The following FBXO42 variants were observed in gnomAD, a reference collection of about 807,000 sequenced individuals.
The protein encoded by FBXO42 is F-box only protein 42.
In FBXO42, 12 loss-of-function variants were observed where a neutral mutation model predicts 71.7. The observed-to-expected ratio is 0.17, with a 90% confidence interval of 0.11 to 0.27. The LOEUF (loss-of-function observed/expected upper bound fraction) is 0.27. Ranked by LOEUF, FBXO42 falls within the 10% of genes least tolerant of loss-of-function variation. The pLI is 1.00. For synonymous variants in FBXO42, 325 were observed against 327.5 expected, an observed-to-expected ratio of 0.99 and a Z score of 0.08; for missense variants, 707 against 911.9, an observed-to-expected ratio of 0.78 and a Z score of 2.89.
At chr1:16,254,813 C>T (rs1489269059) in intron 6 of FBXO42, among the ~76,000 whole-genome samples, 1 of 152,196 alleles carries the variant, frequency 6.6e-6, no homozygotes, top group South Asian at 2.1e-4. Flanking sequence ...CTTGAGCTGT[C>T]CAGTATGGCC....
intron 3 of FBXO42, among the ~76,000 whole-genome samples, chr1:16,300,036 G>A (rs930442148): frequency 1.3e-5 from 2 of 152,118 alleles, no homozygotes; most frequent in Admixed American, 1.3e-4. Context: ...AGAGGGGCAG[G>A]GGCAGGGAGG....
intron 4 of FBXO42, among the ~76,000 whole-genome samples, chr1:16,281,511 C>T (rs2081963774): frequency 2.0e-5 from 3 of 149,686 alleles, no homozygotes; most frequent in Non-Finnish European, 4.4e-5. Context: ...GCTCTGTCAC[C>T]CAGGATGTAG....
chr1:16,331,628 A>G (rs1375951567), intron 1 of FBXO42, among the ~76,000 whole-genome samples: 2 of 150,258 alleles, frequency 1.3e-5, no homozygotes, highest in Middle Eastern at 3.3e-3. Context: ...GGTGGTGGGC[A>G]CCTATAATCC....
chr1:16,250,483 ATATATATT>A lies in FBXO42; in HGVS notation c.*179_*186del. On this transcript the variant is annotated 3_prime_UTR_variant, in exon 10 of 10. Transcript: ENST00000375592. This position sits in a 1 kb window ranked among gnomAD's most constrained non-coding sequence, Gnocchi z 4.7. ...ACAGAGTTGGCTATATAATATATATATATATATTTATATATAATTTTTTTTCTTAATGG... is the reference window on the plus strand; with the variant it reads ...ACAGAGTTGGCTATATAATATATATATATATATAATTTTTTTTCTTAATGG... The A allele has an allele frequency of 5.8e-6, 1 of 173,814 alleles. No individual in the cohort carries two copies. Among genetic ancestry groups the A allele is most frequent in the South Asian group, 1.9e-4 (1 of 5,142 alleles). The allele number at this position is 173,814 out of a possible 1,614,324, so 10.8% of individuals were successfully genotyped here. A position where few individuals can be genotyped will look rare whatever the true frequency, so the allele number is the denominator to read the frequency against.
intron 1 of FBXO42, among the ~76,000 whole-genome samples, chr1:16,330,569 G>C (rs1023768049): frequency 1.3e-5 from 2 of 152,116 alleles, no homozygotes; most frequent in Non-Finnish European, 2.9e-5. Flanking sequence ...AGCACTTTGG[G>C]AGGTTGAGGC....
At chr1:16,342,363 T>A (rs1038311874) in intron 1 of FBXO42, among the ~76,000 whole-genome samples, 1 of 129,990 alleles carries the variant, frequency 7.7e-6, no homozygotes, top group African/African-American at 3.0e-5. Flanking sequence ...GCCATTGCAC[T>A]CCAGCCTGGG....
At chr1:16,338,967 C>A (rs1198815415) in intron 1 of FBXO42, among the ~76,000 whole-genome samples, 1 of 151,882 alleles carries the variant, frequency 6.6e-6, no homozygotes, top group Non-Finnish European at 1.5e-5. Context: ...CACATCATCA[C>A]CCCCGGCTAA....
chr1:16,251,698 T>C lies in FBXO42; in HGVS notation c.1126A>G (p.Ser376Gly). The change falls in exon 10 of 10, where the codon AGT becomes GGT. Residue 376 changes from serine (S) to glycine (G), a missense_variant. By Grantham distance (56) the Ser-to-Gly change is moderately conservative (BLOSUM62 0). Around this residue, in one of 5 missense-constraint regions of FBXO42, gnomAD observed 482 missense variants for 587.1 expected, o/e 0.82. Coordinates refer to ENST00000375592, the MANE Select transcript of FBXO42 (RefSeq NM_018994.3). The surrounding 1 kb of genome is among the most constrained non-coding windows in gnomAD (Gnocchi z 4.5). Reference sequence around the variant, plus strand: ...GGAACGAGAGCTGGAGGAGTGGCACTGATAGGTGATGGGCGAGAGTTCAAA... The same window carrying C: ...GGAACGAGAGCTGGAGGAGTGGCACCGATAGGTGATGGGCGAGAGTTCAAA... The part of the protein sequence containing the change: ...PSLNSRPSPI[S>G]ATPPALVPET... 1 of 1,614,198 alleles carries C rather than the reference T, an allele frequency of 6.2e-7. No homozygotes were observed. Among genetic ancestry groups the C allele is most frequent in the East Asian group, 2.2e-5 (1 of 44,880 alleles).
chr1:16,350,977 A>G (rs1446385713), intron 1 of FBXO42, among the ~76,000 whole-genome samples: 1 of 152,114 alleles, frequency 6.6e-6, no homozygotes. Flanking sequence ...CAGATTACAC[A>G]CGTGAATACA....
At chr1:16,309,044 G>A (rs1439849766) in intron 2 of FBXO42, among the ~76,000 whole-genome samples, 2 of 144,482 alleles carry the variant, frequency 1.4e-5, no homozygotes, top group Non-Finnish European at 3.0e-5. Context: ...TGCCAGGCCG[G>A]GAGACCCCAT....
intron 3 of FBXO42, among the ~76,000 whole-genome samples, chr1:16,301,664 C>T (rs2082195851): frequency 7.3e-6 from 1 of 136,622 alleles, no homozygotes; most frequent in Admixed American, 7.5e-5. Flanking sequence ...GAGTGAGACC[C>T]CATCTCAAAA....
chr1:16,276,357 G>A (rs1412259598), intron 4 of FBXO42, among the ~76,000 whole-genome samples: 1 of 149,608 alleles, frequency 6.7e-6, no homozygotes, highest in African/African-American at 2.5e-5. Flanking sequence ...ACCAGCCCGG[G>A]CGACAGACCG....
intron 1 of FBXO42, among the ~76,000 whole-genome samples, chr1:16,316,548 CAACA>C (rs2082367854): frequency 6.6e-6 from 1 of 151,582 alleles, no homozygotes; most frequent in South Asian, 2.1e-4. Context: ...CCAGCGTGGG[CAACA>C]TGGCGAAATC....
At chr1:16,275,739 T>A (rs889924597) in intron 4 of FBXO42, among the ~76,000 whole-genome samples, 1 of 152,206 alleles carries the variant, frequency 6.6e-6, no homozygotes, top group South Asian at 2.1e-4. Context: ...CCAGGAGTGG[T>A]TGCTCATGCC....
intron 1 of FBXO42, among the ~76,000 whole-genome samples, chr1:16,317,055 C>A (rs1338172735): frequency 6.6e-6 from 1 of 152,024 alleles, no homozygotes; most frequent in African/African-American, 2.4e-5. Flanking sequence ...CTGAGGCGGG[C>A]GGATCACCTG....
rs908490550 is a variant in FBXO42 at position 16,252,445 on chromosome 1, T to A, written c.922-41A>T. Reference sequence around the variant, plus strand: ...CCAATAACAAGACTCAGGTGTGATATGCGTTCCAAAACACACACACACAGA... The same window carrying A: ...CCAATAACAAGACTCAGGTGTGATAAGCGTTCCAAAACACACACACACAGA... On this transcript the variant is annotated intron_variant, in intron 8 of 9. Coordinates refer to ENST00000375592, the MANE Select transcript of FBXO42 (RefSeq NM_018994.3). The surrounding 1 kb of genome is among the most constrained non-coding windows in gnomAD (Gnocchi z 4.4). 1 of 1,498,572 alleles carries A rather than the reference T, an allele frequency of 6.7e-7. No homozygotes were observed. Among genetic ancestry groups the A allele is most frequent in the African/African-American group, 1.4e-5 (1 of 72,648 alleles). The allele number at this position is 1,498,572 out of a possible 1,614,324, so 92.8% of individuals were successfully genotyped here.
chr1:16,284,272 T>C (rs960650716), intron 4 of FBXO42, among the ~76,000 whole-genome samples: 1 of 152,182 alleles, frequency 6.6e-6, no homozygotes, highest in African/African-American at 2.4e-5. Flanking sequence ...CCCTCAATTA[T>C]TTTACCTGAG....
In FBXO42 at chr1:16,252,467, C is replaced by CAA; in HGVS notation, c.922-64_922-63insTT. 1 of 1,239,500 alleles carries CAA rather than the reference C, an allele frequency of 8.1e-7. No homozygotes were observed. The highest frequency in any genetic ancestry group is 1.2e-5 in the South Asian group (1 of 82,400). The allele number at this position is 1,239,500 out of a possible 1,614,324, so 76.8% of individuals were successfully genotyped here. Reference sequence around the variant, plus strand: ...ATATGCGTTCCAAAACACACACACACAGAGTTGCAGTCTCAAAGCTCTCCT... The same window carrying CAA: ...ATATGCGTTCCAAAACACACACACACAAAGAGTTGCAGTCTCAAAGCTCTCCT... On this transcript the variant is annotated intron_variant, in intron 8 of 9. Transcript: ENST00000375592. The surrounding 1 kb of genome is among the most constrained non-coding windows in gnomAD (Gnocchi z 4.4).
intron 4 of FBXO42, among the ~76,000 whole-genome samples, chr1:16,260,570 T>C (rs2081700258): frequency 6.6e-6 from 1 of 152,194 alleles, no homozygotes; most frequent in Non-Finnish European, 1.5e-5. Context: ...CTTCTAAAAT[T>C]CCTAGTTTTA....
Sources: gnomAD v4.1 joint callset for allele counts (sites outside exome capture counted in the v4.1 genomes callset) on GRCh38, gnomAD v4.1.1 for gene constraint, gnomAD v4.1.1 regional missense constraint, Gnocchi (gnomAD v3.1) non-coding constraint, MANE v1.5 for transcripts, NCBI Gene and HGNC (gene_info 2026-07-23, HGNC 2026-07-21) for gene names.